LRRC18: variants seen among roughly 807,000 people sequenced by gnomAD.
LRRC18 encodes the protein leucine rich repeat containing 18.
In LRRC18, 12 loss-of-function variants were observed where a neutral mutation model predicts 11.2. That is an observed-to-expected ratio of 1.07 (90% confidence interval 0.69 to 1.74). The LOEUF is 1.74. Among genes scored for constraint, LRRC18 ranks in the 40% most tolerant of loss-of-function variants. The pLI is 0.00. For missense variants in LRRC18, 374 were observed against 330.5 expected (o/e 1.13, Z -1.02); for synonymous variants, 155 against 130.6 (o/e 1.19, Z -1.27).
the LRRC18 span, among the ~76,000 whole-genome samples, chr10:48,936,882 A>G: frequency 6.6e-6 from 1 of 151,144 alleles, no homozygotes; most frequent in Non-Finnish European, 1.5e-5. Flanking sequence ...AGTGCTCATA[A>G]TTTTGGCAAC....
the LRRC18 span, among the ~76,000 whole-genome samples, chr10:48,937,703 C>T: frequency 4.6e-5 from 7 of 152,266 alleles, no homozygotes; most frequent in South Asian, 2.1e-4. Context: ...AAATGAAAAG[C>T]GATAGGTAGT....
the LRRC18 span, among the ~76,000 whole-genome samples, chr10:48,919,979 T>G: frequency 1.3e-5 from 2 of 152,300 alleles, no homozygotes; most frequent in East Asian, 3.9e-4. Context: ...ACCAATATTC[T>G]TCATGAACAT....
At chr10:48,917,029 T>C (rs1257635849), upstream of LRRC18, among the ~76,000 whole-genome samples, 1 of 152,196 alleles carries the variant, frequency 6.6e-6, no homozygotes. Flanking sequence ...GATACACAAA[T>C]ACTTACCCTT....
At position 48,910,271 on chromosome 10, in the gene LRRC18, A is replaced by C; in HGVS notation, c.765-13T>G. On this transcript the variant is annotated splice_polypyrimidine_tract_variant and intron_variant, in intron 1 of 1. Coordinates refer to ENST00000374160, the Ensembl canonical transcript of LRRC18. ...TGTCAAGCGTATTCTGGGGATGGAGACACAAGAAGGTGAGGCAATTGCTCC... is the reference window on the plus strand; with the variant it reads ...TGTCAAGCGTATTCTGGGGATGGAGCCACAAGAAGGTGAGGCAATTGCTCC... 6.2e-7 allele frequency: 1 copy of C among 1,609,476 alleles called. No homozygotes were observed. The highest frequency in any genetic ancestry group is 8.5e-7 in the Non-Finnish European group (1 of 1,177,110).
chr10:48,915,521 G>A (rs779511257), upstream of LRRC18, among the ~76,000 whole-genome samples: 11 of 152,074 alleles, frequency 7.2e-5, no homozygotes, highest in African/African-American at 2.7e-4. Flanking sequence ...AGGGAGAGGT[G>A]CTCTACAGTT....
At chr10:48,932,804 G>A in the LRRC18 span, among the ~76,000 whole-genome samples, 1 of 152,180 alleles carries the variant, frequency 6.6e-6, no homozygotes, top group African/African-American at 2.4e-5. Flanking sequence ...ACTGAGGTGG[G>A]TGGGGAGGTC....
intron 1 of LRRC18, chr10:48,910,804 G>A (rs1163622997): frequency 2.0e-6 from 1 of 499,806 alleles, no homozygotes; most frequent in African/African-American, 2.1e-5. Context: ...AGCAAGTAAG[G>A]GTGTTGAGGA....
At chr10:48,916,500 G>A (rs1023545422), upstream of LRRC18, among the ~76,000 whole-genome samples, 1 of 152,184 alleles carries the variant, frequency 6.6e-6, no homozygotes, top group Non-Finnish European at 1.5e-5. Flanking sequence ...ACCAAACTGT[G>A]GTCCTCAGAG....
At chr10:48,923,872 A>G in the LRRC18 span, among the ~76,000 whole-genome samples, 2 of 152,242 alleles carry the variant, frequency 1.3e-5, no homozygotes, top group Admixed American at 6.5e-5. Context: ...TGGCTTAGAG[A>G]GAATCCTGGA....
At chr10:48,922,372 T>A in the LRRC18 span, among the ~76,000 whole-genome samples, 2 of 152,194 alleles carry the variant, frequency 1.3e-5, no homozygotes, top group African/African-American at 4.8e-5. Flanking sequence ...AGTTCAGATA[T>A]GCCAAAGAGA....
upstream of LRRC18, chr10:48,914,301 G>C (rs79638149): frequency 1.4e-4 from 121 of 849,898 alleles, no homozygotes; most frequent in African/African-American, 1.9e-3. Flanking sequence ...ACGTCATGAC[G>C]CTTTGCTCTT....
At position 48,913,533 on chromosome 10, in the gene LRRC18, G is replaced by A. The variant is rs367982019; in HGVS notation, c.623C>T (p.Ala208Val). The change falls in exon 1 of 2, where the codon GCG becomes GTG. Residue 208 changes from alanine to valine, a missense_variant. Coordinates refer to ENST00000374160, the Ensembl canonical transcript of LRRC18. ...GTTTTGGCATTTTCTCAGGCAAGCC[G>A]CACACAGATCCTTCTCCTCCACAAC... is the stretch of plus-strand genomic sequence containing the variant. 6.8e-5 allele frequency: 110 copies of A among 1,613,802 alleles called. No individual in the cohort carries two copies. Among genetic ancestry groups the A allele is most frequent in the Admixed American group, 2.3e-4 (14 of 59,988 alleles).
chr10:48,923,916 A>C, the LRRC18 span, among the ~76,000 whole-genome samples: 1 of 152,226 alleles, frequency 6.6e-6, no homozygotes, highest in East Asian at 1.9e-4. Context: ...TGGGACATCC[A>C]GCCAGTTGGG....
At chr10:48,934,843 A>C in the LRRC18 span, among the ~76,000 whole-genome samples, 1 of 152,182 alleles carries the variant, frequency 6.6e-6, no homozygotes, top group Non-Finnish European at 1.5e-5. Context: ...ACAGAGACCC[A>C]GACTTTGGAG....
At chr10:48,913,555 C>G (rs748422496) in exon 1 of LRRC18, 2 of 1,614,038 alleles carry the variant, frequency 1.2e-6, no homozygotes, top group Admixed American at 1.7e-5. Context: ...TTCTCCTCCA[C>G]AACATACAAG....
chr10:48,911,666 T>C (rs1315557379), intron 1 of LRRC18, among the ~76,000 whole-genome samples: 1 of 152,198 alleles, frequency 6.6e-6, no homozygotes, highest in African/African-American at 2.4e-5. Flanking sequence ...TTTAACTATG[T>C]ATAAAAATAT....
At chr10:48,920,249 C>T in the LRRC18 span, among the ~76,000 whole-genome samples, 1 of 150,640 alleles carries the variant, frequency 6.6e-6, no homozygotes, top group Non-Finnish European at 1.5e-5. Flanking sequence ...AGGACGTCCA[C>T]AAAAAAGCTA....
At chr10:48,917,589 A>G (rs956902334), upstream of LRRC18, among the ~76,000 whole-genome samples, 3 of 152,250 alleles carry the variant, frequency 2.0e-5, no homozygotes, top group South Asian at 2.1e-4. Flanking sequence ...TGCTGGAAAC[A>G]TCATTTTTAA....
chr10:48,924,080 G>A, the LRRC18 span, among the ~76,000 whole-genome samples: 1 of 152,204 alleles, frequency 6.6e-6, no homozygotes, highest in East Asian at 1.9e-4. Context: ...CTCCAAGCCT[G>A]CCCATTAATC....
Sources: gnomAD v4.1 joint callset for allele counts (sites outside exome capture counted in the v4.1 genomes callset) on GRCh38, gnomAD v4.1.1 for gene constraint, MANE v1.5 for transcripts, NCBI Gene and HGNC (gene_info 2026-07-23, HGNC 2026-07-21) for gene names.